The following CDC42EP3 variants were observed in gnomAD, a reference collection of about 807,000 sequenced individuals.
CDC42EP3 encodes the protein CDC42 effector protein (Rho GTPase binding) 3.
In CDC42EP3, 4 loss-of-function variants were observed where a neutral mutation model predicts 15.5. The ratio of observed to expected loss-of-function variants is 0.26; its 90% CI spans 0.13 to 0.59. The LOEUF (loss-of-function observed/expected upper bound fraction) is 0.59. CDC42EP3 is among the 20% of genes least tolerant of loss of function. The pLI is 0.89. For synonymous variants in CDC42EP3, 145 were observed against 130.3 expected (o/e 1.11, Z -0.77); for missense variants, 309 against 311.2 (o/e 0.99, Z 0.05).
intron 1 of CDC42EP3, among the ~76,000 whole-genome samples, chr2:37,657,299 A>C (rs1044725849): frequency 1.2e-4 from 19 of 152,198 alleles, no homozygotes; most frequent in South Asian, 1.0e-3. Flanking sequence ...GTCTACTCGA[A>C]TGCACCTCAC....
chr2:37,651,630 G>A (rs973406557), intron 1 of CDC42EP3, among the ~76,000 whole-genome samples: 2 of 152,212 alleles, frequency 1.3e-5, no homozygotes. Context: ...TTTGTAAAAG[G>A]GAAGAGATCT....
At chr2:37,670,373 C>T (rs1411658153) in intron 1 of CDC42EP3, among the ~76,000 whole-genome samples, 3 of 152,110 alleles carry the variant, frequency 2.0e-5, no homozygotes, top group African/African-American at 4.8e-5. Context: ...CTCCCTAGAG[C>T]CCCCCTACAA....
intron 1 of CDC42EP3, among the ~76,000 whole-genome samples, chr2:37,662,937 G>A (rs1000573118): frequency 6.6e-6 from 1 of 152,206 alleles, no homozygotes; most frequent in Non-Finnish European, 1.5e-5. Flanking sequence ...GGCCGAGGCG[G>A]GCGGATCGCC....
At position 37,643,972 on chromosome 2, in the gene CDC42EP3, G is replaced by A. The variant is rs1225030131; in HGVS notation, c.*1851C>T. The A allele has an allele frequency of 2.5e-5, 3 of 119,448 alleles. No individual in the cohort carries two copies. The highest frequency in any genetic ancestry group is 1.1e-4 in the African/African-American group (3 of 27,944). The allele number at this position is 119,448 out of a possible 1,614,324, so 7.4% of individuals were successfully genotyped here. On this transcript the variant is annotated 3_prime_UTR_variant, in exon 2 of 2. Transcript: ENST00000295324. ...TTTAAACTTTCTTAAAACAGTCTGAGATTTTTTTTTTTTTTTTTTTTTGCA... is the reference window on the plus strand; with the variant it reads ...TTTAAACTTTCTTAAAACAGTCTGAAATTTTTTTTTTTTTTTTTTTTTGCA...
intron 1 of CDC42EP3, among the ~76,000 whole-genome samples, chr2:37,654,624 C>T (rs893913681): frequency 6.6e-6 from 1 of 152,116 alleles, no homozygotes; most frequent in African/African-American, 2.4e-5. Context: ...CCTGACAGTG[C>T]GTGAAGGGAG....
chr2:37,657,001 C>CCCCCCCCCCCCCCCCCCCCCCCCG (rs1208218676), intron 1 of CDC42EP3, among the ~76,000 whole-genome samples: 1 of 103,210 alleles, frequency 9.7e-6, no homozygotes, highest in Non-Finnish European at 1.8e-5. Flanking sequence ...CCCCCCGCCC[C>CCCCCCCCCCCCCCCCCCCCCCCCG]CCGCCATCCT....
intron 1 of CDC42EP3, among the ~76,000 whole-genome samples, chr2:37,665,928 C>T (rs373256235): frequency 2.8e-4 from 42 of 152,276 alleles, no homozygotes; most frequent in Middle Eastern, 6.8e-3. Flanking sequence ...GGGATGAGAA[C>T]AAGAAAACCC....
chr2:37,671,069 G>A (rs536637683), intron 1 of CDC42EP3, among the ~76,000 whole-genome samples: 2 of 152,346 alleles, frequency 1.3e-5, no homozygotes, highest in African/African-American at 2.4e-5. Context: ...TCCATGATGC[G>A]AGGGGCGCGG....
In CDC42EP3 at chr2:37,658,052, CCT is replaced by C. The variant is rs539496721; in HGVS notation, c.-235-11232_-235-11231del. ...AGCCCTTACAGAAGAAGTCTGAACC[CCT>C]GTCTTAAATGTTGGCATTTTCATAG... On this transcript the variant is annotated intron_variant, in intron 1 of 1. Coordinates refer to ENST00000295324, the MANE Select transcript of CDC42EP3 (RefSeq NM_006449.5). Among the ~76,000 whole-genome samples the C allele has an allele frequency of 2.7e-4, 41 of 152,262 alleles. 1 individual carries two copies. The South Asian group carries it at 7.7e-3, about 28-fold the overall frequency.
At chr2:37,663,823 C>T (rs1472338785) in intron 1 of CDC42EP3, among the ~76,000 whole-genome samples, 2 of 152,156 alleles carry the variant, frequency 1.3e-5, no homozygotes, top group Non-Finnish European at 2.9e-5. Flanking sequence ...GAGACACAGA[C>T]CCATCCTCAA....
chr2:37,656,989 CA>C lies in CDC42EP3; in HGVS notation c.-235-10168del, dbSNP rs1250936344. 6.1e-3 allele frequency among the ~76,000 whole-genome samples: 504 copies of C among 82,678 alleles called. 5 individuals are homozygous for C. The highest frequency in any genetic ancestry group is 0.025 in the African/African-American group (411 of 16,528). The allele number at this position is 82,678 out of a possible 152,430, so 54.2% of individuals were successfully genotyped here. A position where few individuals can be genotyped will look rare whatever the true frequency, so the allele number is the denominator to read the frequency against. The stretch of plus-strand genomic sequence containing the variant: ...TTGTAAAGTAACAAAGCCCCCCCCC[CA>C]CCCCCCGCCCCCCGCCATCCTCGAG... On this transcript the variant is annotated intron_variant, in intron 1 of 1. Transcript: ENST00000295324.
intron 1 of CDC42EP3, among the ~76,000 whole-genome samples, chr2:37,655,670 T>C (rs936806371): frequency 1.3e-5 from 2 of 152,212 alleles, no homozygotes; most frequent in African/African-American, 4.8e-5. Flanking sequence ...TCTAGTTTCA[T>C]GGATGTGAAT....
intron 1 of CDC42EP3, among the ~76,000 whole-genome samples, chr2:37,668,408 T>G (rs1480340875): frequency 6.6e-6 from 1 of 152,218 alleles, no homozygotes; most frequent in African/African-American, 2.4e-5. Context: ...TTTAACTCCT[T>G]TAATCCTCAG....
At chr2:37,665,806 T>C (rs191822422) in intron 1 of CDC42EP3, among the ~76,000 whole-genome samples, 1 of 151,988 alleles carries the variant, frequency 6.6e-6, no homozygotes. Context: ...CAACCCAGAG[T>C]CTTACATTAT....
intron 1 of CDC42EP3, among the ~76,000 whole-genome samples, chr2:37,661,179 T>G (rs1666047386): frequency 6.6e-6 from 1 of 151,758 alleles, no homozygotes; most frequent in African/African-American, 2.4e-5. Flanking sequence ...GGCAAATGAT[T>G]TGATTTTCCA....
upstream of CDC42EP3, chr2:37,672,038 C>G (rs1417604533): frequency 6.6e-6 from 1 of 152,250 alleles, no homozygotes; most frequent in African/African-American, 2.4e-5. Flanking sequence ...CCCGGACTCC[C>G]GCACTAAAAC....
chr2:37,653,325 C>T (rs376675187), intron 1 of CDC42EP3, among the ~76,000 whole-genome samples: 3 of 152,268 alleles, frequency 2.0e-5, no homozygotes, highest in East Asian at 3.9e-4. Context: ...GGAGAGGAAG[C>T]TACGGCCCTG....
At chr2:37,654,130 C>T (rs1223977901) in intron 1 of CDC42EP3, among the ~76,000 whole-genome samples, 1 of 152,140 alleles carries the variant, frequency 6.6e-6, no homozygotes, top group East Asian at 1.9e-4. Flanking sequence ...GGCCAAGTAC[C>T]CTCCGCCGCC....
At chr2:37,649,580 G>GAAGAGCAA (rs1265026721) in intron 1 of CDC42EP3, among the ~76,000 whole-genome samples, 2 of 151,590 alleles carry the variant, frequency 1.3e-5, no homozygotes, top group Non-Finnish European at 2.9e-5. Flanking sequence ...CAGTGAGGAG[G>GAAGAGCAA]AAGAGCAAAG....
Sources: gnomAD v4.1 joint callset for allele counts (sites outside exome capture counted in the v4.1 genomes callset) on GRCh38, gnomAD v4.1.1 for gene constraint, MANE v1.5 for transcripts, NCBI Gene and HGNC (gene_info 2026-07-23, HGNC 2026-07-21) for gene names.